The following LNX2 variants were observed in gnomAD, a reference collection of about 807,000 sequenced individuals.
The protein encoded by LNX2 is ligand of numb-protein X 2, also known as ligand of Numb protein X 2.
In LNX2, 35 loss-of-function variants were observed where a neutral mutation model predicts 66.2. That is an observed-to-expected ratio of 0.53 (90% CI 0.40 to 0.70). The LOEUF is 0.70. Among genes scored for constraint, LNX2 ranks in the 30% least tolerant of loss-of-function variants. The pLI is 0.00. For synonymous variants in LNX2, 337 were observed against 315.6 expected, an observed-to-expected ratio of 1.07 and a Z score of -0.72; for missense variants, 791 against 850.8, an observed-to-expected ratio of 0.93 and a Z score of 0.87.
rs1455458851 is a variant in LNX2, at chr13:27,556,371, C to A, written c.1411G>T (p.Val471Leu). Residue 471 changes from valine to leucine, a missense_variant, in exon 7 of 10, where the codon GTA becomes TTA. Physicochemically the swap from Val to Leu is conservative, Grantham distance 32. Transcript: ENST00000316334. ...CVTCQEKHIT[V>L]KKEPHESLGM... ...AGGGATTCATGTGGTTCCTTCTTTA[C>A]AGTAATGTGTTTTTCTTGGCATGTA... 6.2e-7 allele frequency: 1 copy of A among 1,613,908 alleles called. No individual in the cohort carries two copies. The highest frequency in any genetic ancestry group is 2.2e-5 in the East Asian group (1 of 44,866).
rs148728892 is a variant in LNX2, at chr13:27,582,555, T to C, written c.-100-752A>G. 3.3e-5 allele frequency among the ~76,000 whole-genome samples: 5 copies of C among 152,328 alleles called. No homozygotes were observed. The East Asian group carries it at 9.6e-4, about 29-fold the overall frequency. ...TTAGACATGCTTCTTTGCTTCTGAT[T>C]GATTTTACACATTTACAGTACAATA... On this transcript the variant is annotated intron_variant, in intron 1 of 9. Transcript: ENST00000316334.
At chr13:27,551,698 T>C (rs1246827907) in intron 8 of LNX2, among the ~76,000 whole-genome samples, 1 of 152,208 alleles carries the variant, frequency 6.6e-6, no homozygotes, top group African/African-American at 2.4e-5. Flanking sequence ...ATGTTTACCA[T>C]GCCAGAACTT....
intron 2 of LNX2, among the ~76,000 whole-genome samples, chr13:27,579,922 C>T (rs1955379617): frequency 6.6e-6 from 1 of 152,136 alleles, no homozygotes; most frequent in Non-Finnish European, 1.5e-5. Flanking sequence ...AAATGCAATG[C>T]TACATTATTA....
intron 6 of LNX2, 49 bp downstream of exon 6, chr13:27,559,793 G>A: frequency 6.9e-7 from 1 of 1,447,494 alleles, no homozygotes; most frequent in South Asian, 1.5e-5. Context: ...TTACCAGCTT[G>A]TAACAATGAT....
chr13:27,574,897 G>A (rs1349253246), intron 2 of LNX2, among the ~76,000 whole-genome samples: 2 of 152,152 alleles, frequency 1.3e-5, no homozygotes, highest in African/African-American at 2.4e-5. Flanking sequence ...GAAGGCAGTG[G>A]GATGACATAC....
intron 1 of LNX2, among the ~76,000 whole-genome samples, chr13:27,611,638 C>A (rs1955774164): frequency 6.6e-6 from 1 of 152,162 alleles, no homozygotes; most frequent in Admixed American, 6.5e-5. Flanking sequence ...GTTAAATATT[C>A]ATAATTTTGG....
chr13:27,620,669 G>A (rs694609), upstream of LNX2: 48,094 of 152,698 alleles, frequency 0.31, 9,200 homozygotes, highest in East Asian at 0.47. Flanking sequence ...GCGGACCAGA[G>A]GGCGGCTCCA....
At chr13:27,567,612 AAGTT>A in intron 4 of LNX2, 24 bp downstream of exon 4, 1 of 1,598,206 alleles carries the variant, frequency 6.3e-7, no homozygotes, top group African/African-American at 1.3e-5. Flanking sequence ...AAAAAGGCAC[AAGTT>A]AACAGAATAA....
In LNX2 at chr13:27,567,838, G is replaced by C. The variant is rs1419339100; in HGVS notation, c.657C>G (p.Thr219=). 6.2e-7 allele frequency: 1 copy of C among 1,613,420 alleles called. No individual in the cohort carries two copies. Among genetic ancestry groups the C allele is most frequent in the South Asian group, 1.1e-5 (1 of 91,052 alleles). ...PAFEESAGAD[T]TQQPLSLPEG... is the part of the protein sequence containing the mutation. ...CTGGTAAACTAAGTGGCTGTTGTGTGGCTGCCAAGTTAAAAATGAGACAGA... is the reference window on the plus strand; with the variant it reads ...CTGGTAAACTAAGTGGCTGTTGTGTCGCTGCCAAGTTAAAAATGAGACAGA... Residue 219 remains threonine, a splice_region_variant and synonymous_variant, in exon 4 of 10, where the codon ACC becomes ACG. Transcript: ENST00000316334.
chr13:27,549,184 T>C (rs1322128662), intron 9 of LNX2, among the ~76,000 whole-genome samples: 3 of 152,216 alleles, frequency 2.0e-5, no homozygotes, highest in South Asian at 4.1e-4. Context: ...TCTTTATCAA[T>C]ATAGGCTGAC....
chr13:27,557,543 A>C (rs1955077918), intron 6 of LNX2, among the ~76,000 whole-genome samples: 1 of 152,108 alleles, frequency 6.6e-6, no homozygotes, highest in Admixed American at 6.5e-5. Flanking sequence ...TGTTAAGAGA[A>C]TGTTGTAGAT....
Position 27,565,059 on chromosome 13 carries a change from T to C in LNX2, c.856-2278A>G, listed in dbSNP as rs930655324. Among the ~76,000 whole-genome samples the C allele has an allele frequency of 2.0e-5, 3 of 152,184 alleles. No homozygotes were observed. In the East Asian group the frequency reaches 5.8e-4, roughly 29 times the overall value. On this transcript the variant is annotated intron_variant, in intron 4 of 9. Transcript: ENST00000316334. Reference sequence around the variant, plus strand: ...TAAACTAGATGTAAGATTGCCATTATTGGAGTTATTAGTATACAGGTTTCC... The same window carrying C: ...TAAACTAGATGTAAGATTGCCATTACTGGAGTTATTAGTATACAGGTTTCC...
intron 6 of LNX2, among the ~76,000 whole-genome samples, chr13:27,557,589 A>G (rs1955078592): frequency 6.6e-6 from 1 of 152,048 alleles, no homozygotes. Context: ...AATACAAATT[A>G]CATTCACAGA....
intron 1 of LNX2, among the ~76,000 whole-genome samples, chr13:27,603,073 T>C (rs1955676314): frequency 6.6e-6 from 1 of 152,158 alleles, no homozygotes; most frequent in African/African-American, 2.4e-5. Context: ...CATGAAATAA[T>C]TATGCTGTCA....
chr13:27,597,405 G>A (rs1324953531), intron 1 of LNX2, among the ~76,000 whole-genome samples: 2 of 152,120 alleles, frequency 1.3e-5, no homozygotes, highest in African/African-American at 2.4e-5. Context: ...AACAATACGA[G>A]GACTCTCAAT....
intron 8 of LNX2, 115 bp from the exon 9 acceptor site, chr13:27,550,606 G>T: frequency 5.8e-6 from 4 of 693,094 alleles, no homozygotes; most frequent in South Asian, 2.1e-5. Flanking sequence ...AAAGAAAAAG[G>T]GCTATTAATA....
chr13:27,584,119 T>C (rs1188665364), intron 1 of LNX2, among the ~76,000 whole-genome samples: 2 of 152,154 alleles, frequency 1.3e-5, no homozygotes, highest in East Asian at 1.9e-4. Context: ...TTCTAGAACT[T>C]AGCGTGCCTG....
intron 1 of LNX2, among the ~76,000 whole-genome samples, chr13:27,616,006 C>T (rs990847413): frequency 3.3e-5 from 5 of 152,240 alleles, no homozygotes; most frequent in African/African-American, 7.2e-5. Context: ...TCTGAGTGAC[C>T]ATGGCCCATG....
At chr13:27,610,398 T>C (rs1243289851) in intron 1 of LNX2, among the ~76,000 whole-genome samples, 1 of 152,232 alleles carries the variant, frequency 6.6e-6, no homozygotes, top group African/African-American at 2.4e-5. Context: ...AACTATTCCA[T>C]GTATTTCAGA....
Sources: gnomAD v4.1 joint callset for allele counts (sites outside exome capture counted in the v4.1 genomes callset) on GRCh38, gnomAD v4.1.1 for gene constraint, MANE v1.5 for transcripts, NCBI Gene and HGNC (gene_info 2026-07-23, HGNC 2026-07-21) for gene names.